Variants in AP4M1 observed in about 807,000 individuals in gnomAD.
AP4M1 encodes the protein AP-4 complex subunit mu-1.
A neutral mutation model predicts 62.4 loss-of-function variants in AP4M1; 58 were observed. That is an observed-to-expected ratio of 0.93 (90% confidence interval 0.75 to 1.16). The LOEUF (loss-of-function observed/expected upper bound fraction) is 1.16. Ranked by LOEUF, AP4M1 falls within the 50% of genes most tolerant of loss-of-function variation. The pLI, the probability that AP4M1 is intolerant of heterozygous loss-of-function variation, is 0.00. For synonymous variants in AP4M1, 290 were observed against 239.7 expected, an observed-to-expected ratio of 1.21 and a Z score of -1.94; for missense variants, 626 against 585.4, an observed-to-expected ratio of 1.07 and a Z score of -0.72.
At chr7:100,102,034 C>G (rs1796085273) in intron 2 of AP4M1, 66 bp downstream of exon 2, 5 of 1,551,584 alleles carry the variant, frequency 3.2e-6, no homozygotes, top group Non-Finnish European at 4.4e-6. Flanking sequence ...CCAGCTCCCT[C>G]CCAGGACTGG....
In AP4M1 at chr7:100,107,259, T is replaced by C. The variant is rs1796609339; in HGVS notation, c.*377T>C. The C allele has an allele frequency of 3.9e-6, 6 of 1,524,152 alleles. No individual in the cohort carries two copies. Among genetic ancestry groups the C allele is most frequent in the Non-Finnish European group, 5.3e-6 (6 of 1,139,038 alleles). The allele number at this position is 1,524,152 out of a possible 1,614,324, so 94.4% of individuals were successfully genotyped here. A position where few individuals can be genotyped will look rare whatever the true frequency, so the allele number is the denominator to read the frequency against. On this transcript the variant is annotated 3_prime_UTR_variant, in exon 15 of 15. Transcript: ENST00000359593. ...GCAGGTGGAGCATCACGGAGCAGGCTGAGGGGAGCCGGAGTTGGGCTGGGA... is the reference window on the plus strand; with the variant it reads ...GCAGGTGGAGCATCACGGAGCAGGCCGAGGGGAGCCGGAGTTGGGCTGGGA...
Position 100,106,644 on chromosome 7 carries a change from T to C in AP4M1, c.1138-14T>C. 3 of 1,410,146 alleles carry C rather than the reference T, an allele frequency of 2.1e-6. No individual in the cohort carries two copies. Among genetic ancestry groups the C allele is most frequent in the South Asian group, 2.3e-5 (2 of 88,356 alleles). 87.4% of individuals were successfully genotyped at this position (1,410,146 alleles called of 1,614,324 possible). On this transcript the variant is annotated splice_polypyrimidine_tract_variant and intron_variant, in intron 14 of 14. Transcript: ENST00000359593. ...TCTTGCCCTCCTTCCTCTCCCTGCC[T>C]CTGCCCCTCACAGATGGACGTCCCA...
Position 100,107,702 on chromosome 7 carries a change from C to G in AP4M1, c.*820C>G, listed in dbSNP as rs1796686273. 1.3e-6 allele frequency: 2 copies of G among 1,550,342 alleles called. No homozygotes were observed. Among genetic ancestry groups the G allele is most frequent in the Admixed American group, 2.1e-5 (1 of 47,040 alleles). On this transcript the variant is annotated 3_prime_UTR_variant, in exon 15 of 15. Transcript: ENST00000359593. ...AGGCCTGGCGAGGACGCTTCACTCGCTCCCTGCCTGAACAAGTTGTTCCTG... is the reference window on the plus strand; with the variant it reads ...AGGCCTGGCGAGGACGCTTCACTCGGTCCCTGCCTGAACAAGTTGTTCCTG...
intron 2 of AP4M1, 96 bp downstream of exon 2, chr7:100,102,064 T>C (rs1796088237): frequency 2.9e-6 from 4 of 1,367,070 alleles, no homozygotes; most frequent in Admixed American, 1.9e-5. Context: ...AGATTCCACT[T>C]GGGGGGTGCA....
intron 4 of AP4M1, 137 bp from the exon 5 acceptor site, chr7:100,103,272 G>C: frequency 1.3e-6 from 1 of 786,162 alleles, no homozygotes; most frequent in Non-Finnish European, 2.2e-6. Flanking sequence ...TTGAACTCAT[G>C]GCCTCAAGCC....
chr7:100,101,112 G>T, upstream of AP4M1: 1 of 928,748 alleles, frequency 1.1e-6, no homozygotes, highest in Non-Finnish European at 1.6e-6. Flanking sequence ...AGGCCCCGTG[G>T]GCCTTAGCCA....
chr7:100,107,335 C>T lies in AP4M1; in HGVS notation c.*453C>T, dbSNP rs1427749810. The T allele has an allele frequency of 4.5e-6, 7 of 1,545,346 alleles. No homozygotes were observed. The highest frequency in any genetic ancestry group is 2.3e-5 in the East Asian group (1 of 44,192). ...GCTGGAGGGGGACTGTCCCCAGCCT[C>T]CTGCTTCCCCCCACAAAGGGCACTG... On this transcript the variant is annotated 3_prime_UTR_variant, in exon 15 of 15. Transcript: ENST00000359593.
At chr7:100,104,981 C>T (rs375680568) in intron 8 of AP4M1, 41 bp downstream of exon 8, 35 of 1,613,134 alleles carry the variant, frequency 2.2e-5, no homozygotes, top group Middle Eastern at 1.6e-4. Flanking sequence ...GGGGTTAGGG[C>T]GGGTTCCTTG....
At chr7:100,101,052 G>A (rs1203468643), upstream of AP4M1, 1 of 713,636 alleles carries the variant, frequency 1.4e-6, no homozygotes, top group African/African-American at 1.8e-5. Flanking sequence ...CCTTTACCAG[G>A]TGGGATTACT....
chr7:100,103,550 A>G (rs752686995), intron 5 of AP4M1, 31 bp downstream of exon 5: 7 of 1,613,848 alleles, frequency 4.3e-6, no homozygotes, highest in African/African-American at 1.3e-5. Context: ...GGGTGAGGAA[A>G]GAGAAGAGGG....
chr7:100,103,769 CA>C, intron 6 of AP4M1, 77 bp downstream of exon 6: 1 of 1,493,040 alleles, frequency 6.7e-7, no homozygotes, highest in African/African-American at 1.4e-5. Flanking sequence ...AGGTCGGGCA[CA>C]GCGGCTCACG....
At chr7:100,103,813 G>T (rs1375209981) in intron 6 of AP4M1, 121 bp downstream of exon 6, 67 of 1,097,264 alleles carry the variant, frequency 6.1e-5, no homozygotes, top group Non-Finnish European at 9.0e-5. Flanking sequence ...AGGCCGAGGT[G>T]GGCAGATCAC....
At chr7:100,103,088 T>G in intron 4 of AP4M1, 128 bp downstream of exon 4, 2 of 839,512 alleles carry the variant, frequency 2.4e-6, no homozygotes, top group Non-Finnish European at 3.8e-6. Flanking sequence ...TTTTTGCTTT[T>G]AGAGACAGGG....
upstream of AP4M1, chr7:100,101,338 C>T (rs556955748): frequency 6.2e-6 from 10 of 1,612,168 alleles, no homozygotes; most frequent in African/African-American, 2.7e-5. Context: ...GCTCAGAGGT[C>T]TTGCTCCTGG....
chr7:100,108,272 T>C lies in AP4M1; in HGVS notation c.*1390T>C. The C allele has an allele frequency of 6.7e-7, 1 of 1,482,944 alleles. No individual in the cohort carries two copies. The allele number at this position is 1,482,944 out of a possible 1,614,324, so 91.9% of individuals were successfully genotyped here. ...CAGGGCCTGGTTGCCCTGAGACTACTGACTGAGGGCACATGTGGCTGTGTG... is the reference window on the plus strand; with the variant it reads ...CAGGGCCTGGTTGCCCTGAGACTACCGACTGAGGGCACATGTGGCTGTGTG... On this transcript the variant is annotated 3_prime_UTR_variant, in exon 15 of 15. Transcript: ENST00000359593.
upstream of AP4M1, chr7:100,101,335 G>A (rs751461458): frequency 3.7e-6 from 6 of 1,612,432 alleles, no homozygotes; most frequent in Non-Finnish European, 5.1e-6. Flanking sequence ...CGGGCTCAGA[G>A]GTCTTGCTCC....
At position 100,104,856 on chromosome 7, in the gene AP4M1, G is replaced by A; in HGVS notation, c.607-18G>A. ...AGAAAGAAAAAAAGACTCTAACCTT[G>A]ACGCCCCTGCCTCTCAGGGATCCCT... On this transcript the variant is annotated intron_variant, in intron 7 of 14. Coordinates refer to ENST00000359593, the MANE Select transcript of AP4M1 (RefSeq NM_004722.4). 2 of 1,613,958 alleles carry A rather than the reference G, an allele frequency of 1.2e-6. No homozygotes were observed. The highest frequency in any genetic ancestry group is 1.7e-5 in the Admixed American group (1 of 60,008).
chr7:100,100,954 T>A (rs1795981384), upstream of AP4M1: 2 of 1,014,710 alleles, frequency 2.0e-6, no homozygotes, highest in Non-Finnish European at 2.6e-6. Flanking sequence ...CCCTTAAGAC[T>A]CTCCTGAGGT....
Position 100,108,631 on chromosome 7 carries a change from G to C in AP4M1, c.*1749G>C, listed in dbSNP as rs1796833782. Reference sequence around the variant, plus strand: ...TGGTGACACTCTTGAGAAGAACCTTGGGGATGGGGTAAAAAAGGACATTCC... The same window carrying C: ...TGGTGACACTCTTGAGAAGAACCTTCGGGATGGGGTAAAAAAGGACATTCC... On this transcript the variant is annotated 3_prime_UTR_variant, in exon 15 of 15. Coordinates refer to ENST00000359593, the MANE Select transcript of AP4M1 (RefSeq NM_004722.4). 2.1e-6 allele frequency: 3 copies of C among 1,417,870 alleles called. No individual in the cohort carries two copies. The highest frequency in any genetic ancestry group is 4.4e-5 in the Admixed American group (2 of 45,940). The allele number at this position is 1,417,870 out of a possible 1,614,324, so 87.8% of individuals were successfully genotyped here.
Sources: gnomAD v4.1 joint callset for allele counts on GRCh38, gnomAD v4.1.1 for gene constraint, MANE v1.5 for transcripts, NCBI Gene and HGNC (gene_info 2026-07-23, HGNC 2026-07-21) for gene names.